The following STK3 variants were observed in gnomAD, a reference collection of about 807,000 sequenced individuals.
STK3 encodes serine/threonine-protein kinase 3.
A neutral mutation model predicts 58.0 loss-of-function variants in STK3; 41 were observed. That is an observed-to-expected ratio of 0.71 (90% CI 0.55 to 0.92). STK3 has a LOEUF of 0.92. STK3 is among the 40% of genes least tolerant of loss of function. The probability of loss-of-function intolerance (pLI) is 0.00; values close to 1 mark genes in which losing one functional copy is unlikely to be tolerated. For missense variants in STK3, 479 were observed against 602.7 expected (o/e 0.79, Z 2.15); for synonymous variants, 170 against 191.0 (o/e 0.89, Z 0.91).
intron 4 of STK3, among the ~76,000 whole-genome samples, chr8:98,743,451 C>A (rs949552427): frequency 1.3e-5 from 2 of 152,250 alleles, no homozygotes; most frequent in Admixed American, 6.5e-5. Flanking sequence ...ACTATCTGAT[C>A]TTTGACAAAC....
intron 3 of STK3, among the ~76,000 whole-genome samples, chr8:98,856,404 T>C (rs935014158): frequency 2.0e-5 from 3 of 151,362 alleles, no homozygotes; most frequent in African/African-American, 7.3e-5. Flanking sequence ...TCTGAATAGA[T>C]GTTTACCAAG....
intron 3 of STK3, among the ~76,000 whole-genome samples, chr8:98,416,612 C>T (rs1818117552): frequency 6.6e-6 from 1 of 152,218 alleles, no homozygotes; most frequent in Admixed American, 6.5e-5. Context: ...CCCACCCCTC[C>T]TCTTTCCAAG....
intron 3 of STK3, among the ~76,000 whole-genome samples, chr8:98,856,546 A>C (rs2131841424): frequency 6.6e-6 from 1 of 152,310 alleles, no homozygotes. Flanking sequence ...AAAAAAGTCA[A>C]ATAGCAATTA....
At chr8:98,653,932 G>C (rs1392131221) in intron 6 of STK3, among the ~76,000 whole-genome samples, 2 of 152,160 alleles carry the variant, frequency 1.3e-5, no homozygotes, top group Non-Finnish European at 2.9e-5. Context: ...CATTCCTTCT[G>C]AAACTATTCC....
At chr8:98,914,941 G>T (rs551708617) in intron 1 of STK3, among the ~76,000 whole-genome samples, 40 of 152,294 alleles carry the variant, frequency 2.6e-4, no homozygotes, top group Non-Finnish European at 4.7e-4. Flanking sequence ...ACTGGATTTA[G>T]GTCCAAATTC....
At chr8:98,545,560 G>A (rs1810634492) in intron 9 of STK3, among the ~76,000 whole-genome samples, 1 of 152,084 alleles carries the variant, frequency 6.6e-6, no homozygotes, top group African/African-American at 2.4e-5. Context: ...TAGAGGTAAG[G>A]AAAATAGGCC....
chr8:98,828,395 A>G (rs1201648274), upstream of STK3, among the ~76,000 whole-genome samples: 1 of 130,048 alleles, frequency 7.7e-6, no homozygotes, highest in Non-Finnish European at 1.6e-5. Context: ...TGAGCCCATG[A>G]GTTCGAGACC....
intron 1 of STK3, among the ~76,000 whole-genome samples, chr8:98,892,155 G>A (rs1325795510): frequency 6.6e-6 from 1 of 152,162 alleles, no homozygotes; most frequent in African/African-American, 2.4e-5. Context: ...CCCAGTCAGA[G>A]ACTTAGGAAT....
At chr8:98,423,786 A>G (rs1339075406) in intron 3 of STK3, among the ~76,000 whole-genome samples, 1 of 152,176 alleles carries the variant, frequency 6.6e-6, no homozygotes, top group Non-Finnish European at 1.5e-5. Context: ...TGTCAGGGGG[A>G]GAAAAGCTGA....
At chr8:98,465,941 T>C (rs1183905521) in intron 10 of STK3, among the ~76,000 whole-genome samples, 1 of 152,222 alleles carries the variant, frequency 6.6e-6, no homozygotes. Context: ...AAATACTTAA[T>C]TTGGGCACAC....
At chr8:98,395,944 G>A (rs1314375353) in intron 3 of STK3, among the ~76,000 whole-genome samples, 3 of 152,186 alleles carry the variant, frequency 2.0e-5, no homozygotes, top group Non-Finnish European at 2.9e-5. Flanking sequence ...GGTGAATGGT[G>A]CAGGAAAAAT....
upstream of STK3, among the ~76,000 whole-genome samples, chr8:98,388,414 A>T (rs1177219571): frequency 6.6e-6 from 1 of 152,182 alleles, no homozygotes; most frequent in South Asian, 2.1e-4. Context: ...GAACCCAATG[A>T]TCAATGTTAA....
intron 8 of STK3, among the ~76,000 whole-genome samples, chr8:98,563,998 T>A (rs1812270538): frequency 1.3e-5 from 2 of 152,004 alleles, no homozygotes; most frequent in African/African-American, 4.8e-5. Context: ...GAGTACAGTA[T>A]GAAAAGAAAG....
At chr8:98,450,464 G>A (rs1034120147), downstream of STK3, among the ~76,000 whole-genome samples, 5 of 152,258 alleles carry the variant, frequency 3.3e-5, no homozygotes, top group Admixed American at 3.3e-4. Context: ...ATGATTAAAT[G>A]GTTATTTCTG....
chr8:98,828,752 T>C (rs1419184587), upstream of STK3, among the ~76,000 whole-genome samples: 1 of 152,200 alleles, frequency 6.6e-6, no homozygotes, highest in Non-Finnish European at 1.5e-5. Flanking sequence ...ATCTGTCACA[T>C]TTAAGTTGTG....
chr8:98,877,357 G>A (rs2131889110), intron 3 of STK3, among the ~76,000 whole-genome samples: 1 of 152,200 alleles, frequency 6.6e-6, no homozygotes, highest in South Asian at 2.1e-4. Context: ...AAACTCCAAA[G>A]CTTAAGGTGT....
intron 1 of STK3, among the ~76,000 whole-genome samples, chr8:98,903,130 C>T (rs765097742): frequency 5.7e-4 from 87 of 152,188 alleles, no homozygotes; most frequent in Non-Finnish European, 9.6e-4. Flanking sequence ...CTCTAATACC[C>T]TAAGGGGCCA....
intron 3 of STK3, among the ~76,000 whole-genome samples, chr8:98,394,173 C>T (rs140804089): frequency 3.5e-4 from 54 of 152,196 alleles, no homozygotes; most frequent in Middle Eastern, 3.4e-3. Flanking sequence ...CAAACAGGAG[C>T]CCAGAGAAGT....
chr8:98,923,397 C>T (rs1259304991), intron 1 of STK3, among the ~76,000 whole-genome samples: 2 of 152,094 alleles, frequency 1.3e-5, no homozygotes, highest in East Asian at 3.9e-4. Context: ...TAGAGTAGGC[C>T]TTGATTGCAT....
Sources: allele counts gnomAD v4.1 joint callset (sites outside exome capture counted in the v4.1 genomes callset), GRCh38; gene constraint gnomAD v4.1.1; transcripts MANE v1.5; gene names NCBI Gene and HGNC (gene_info 2026-07-23, HGNC 2026-07-21).